ALPK1: variants seen among roughly 807,000 people sequenced by gnomAD.
The protein encoded by ALPK1 is alpha kinase 1.
In ALPK1, 110 loss-of-function variants were observed where a neutral mutation model predicts 120.6. The observed-to-expected ratio is 0.91, with a 90% confidence interval of 0.78 to 1.07. The LOEUF (loss-of-function observed/expected upper bound fraction) is 1.07. ALPK1 is among the 50% of genes least tolerant of loss of function. ALPK1 has a pLI of 0.00. For missense variants in ALPK1, 1,498 were observed against 1,483.9 expected (o/e 1.01, Z -0.16); for synonymous variants, 582 against 560.3 (o/e 1.04, Z -0.55).
intron 2 of ALPK1, among the ~76,000 whole-genome samples, chr4:112,365,352 T>G (rs570263564): frequency 6.6e-6 from 1 of 152,196 alleles, no homozygotes; most frequent in South Asian, 2.1e-4. Context: ...GGTAAATAAA[T>G]TCAGCAGTTT....
chr4:112,429,794 T>C (rs560043726), intron 10 of ALPK1, among the ~76,000 whole-genome samples: 19 of 137,554 alleles, frequency 1.4e-4, no homozygotes, highest in Admixed American at 4.9e-4. Context: ...GAGCTGAGAT[T>C]GCACCACTGC....
chr4:112,377,988 T>A, intron 3 of ALPK1, 90 bp downstream of exon 3: 2 of 1,334,482 alleles, frequency 1.5e-6, no homozygotes, highest in Non-Finnish European at 2.0e-6. Context: ...CTCTGCCCTA[T>A]TTTTCTTCTC....
chr4:112,306,008 A>G (rs1728035159), intron 1 of ALPK1, among the ~76,000 whole-genome samples: 1 of 152,158 alleles, frequency 6.6e-6, no homozygotes, highest in Non-Finnish European at 1.5e-5. Flanking sequence ...TGAGATAATC[A>G]TGTGGTTTTT....
chr4:112,369,466 G>A (rs1731299650), intron 2 of ALPK1, among the ~76,000 whole-genome samples: 2 of 152,194 alleles, frequency 1.3e-5, no homozygotes, highest in Admixed American at 6.5e-5. Flanking sequence ...TTGTACATTA[G>A]AGACCAGAAT....
chr4:112,302,084 C>A (rs1727813751), intron 1 of ALPK1, among the ~76,000 whole-genome samples: 1 of 152,124 alleles, frequency 6.6e-6, no homozygotes, highest in Non-Finnish European at 1.5e-5. Flanking sequence ...ATCCAACTCC[C>A]TAAAAAACAG....
At chr4:112,350,655 C>T (rs114137159) in intron 2 of ALPK1, among the ~76,000 whole-genome samples, 3,086 of 152,256 alleles carry the variant, frequency 0.02, 43 homozygotes, top group Non-Finnish European at 0.031. Context: ...AGTGATCATG[C>T]GTTTTCAGGA....
intron 2 of ALPK1, among the ~76,000 whole-genome samples, chr4:112,320,033 A>T (rs1430671982): frequency 6.6e-6 from 1 of 152,124 alleles, no homozygotes; most frequent in Non-Finnish European, 1.5e-5. Flanking sequence ...GATGCCCTTT[A>T]TTTCTTTCTC....
intron 1 of ALPK1, among the ~76,000 whole-genome samples, chr4:112,306,679 G>A (rs1166788851): frequency 6.6e-6 from 1 of 151,192 alleles, no homozygotes; most frequent in Admixed American, 6.6e-5. Context: ...TATCAATTTT[G>A]TTGATCTTTT....
chr4:112,429,752 A>C (rs1425895387), intron 10 of ALPK1, among the ~76,000 whole-genome samples: 1 of 150,742 alleles, frequency 6.6e-6, no homozygotes, highest in African/African-American at 2.4e-5. Context: ...AGGTGGGAGG[A>C]TCACCTGAGC....
intron 2 of ALPK1, among the ~76,000 whole-genome samples, chr4:112,346,775 G>A (rs962255955): frequency 2.6e-5 from 4 of 152,132 alleles, no homozygotes; most frequent in African/African-American, 4.8e-5. Context: ...AGCCAACATC[G>A]AAAAACAAAC....
chr4:112,368,240 TC>T (rs1457229419), intron 2 of ALPK1, among the ~76,000 whole-genome samples: 3 of 152,240 alleles, frequency 2.0e-5, no homozygotes, highest in African/African-American at 7.2e-5. Context: ...TTTTATCGAA[TC>T]TATGCATTCA....
At chr4:112,401,849 T>C (rs189680036) in intron 4 of ALPK1, among the ~76,000 whole-genome samples, 154 of 152,310 alleles carry the variant, frequency 1.0e-3, no homozygotes, top group Non-Finnish European at 1.6e-3. Context: ...TTACAACTAT[T>C]TTTCAGAAGG....
chr4:112,430,149 C>G (rs759361235), intron 10 of ALPK1, among the ~76,000 whole-genome samples: 13 of 152,204 alleles, frequency 8.5e-5, no homozygotes, highest in Admixed American at 2.6e-4. Flanking sequence ...GCAACAAACA[C>G]AAGCCTATCG....
intron 5 of ALPK1, among the ~76,000 whole-genome samples, chr4:112,416,274 A>G (rs1044790090): frequency 4.6e-5 from 7 of 152,172 alleles, no homozygotes; most frequent in Non-Finnish European, 1.0e-4. Flanking sequence ...TAACAACCTT[A>G]AAATCAAGGT....
At chr4:112,341,840 C>T (rs138263161) in intron 2 of ALPK1, among the ~76,000 whole-genome samples, 78 of 152,288 alleles carry the variant, frequency 5.1e-4, no homozygotes, top group African/African-American at 1.8e-3. Context: ...GACAAAATTA[C>T]GTTTGGTATT....
At chr4:112,406,601 C>T (rs1245602290) in intron 4 of ALPK1, among the ~76,000 whole-genome samples, 1 of 152,184 alleles carries the variant, frequency 6.6e-6, no homozygotes, top group African/African-American at 2.4e-5. Context: ...CACCACTAAA[C>T]CAAGTCATAG....
chr4:112,310,970 A>C lies in ALPK1; in HGVS notation c.-152-4831A>C, dbSNP rs181957995. On this transcript the variant is annotated intron_variant, in intron 1 of 15. Coordinates refer to ENST00000650871, the MANE Select transcript of ALPK1 (RefSeq NM_025144.4). ...AAGGGACTTTAAAGACTTTAGCAAA[A>C]ATCTCCAGCTTTAGAAAGGAGGAAA... 8.5e-4 allele frequency among the ~76,000 whole-genome samples: 129 copies of C among 152,256 alleles called. 1 individual carries two copies. Among genetic ancestry groups the C allele is most frequent in the Non-Finnish European group, 1.5e-3 (103 of 68,022 alleles).
At chr4:112,315,375 C>T (rs1728591055) in intron 1 of ALPK1, among the ~76,000 whole-genome samples, 1 of 152,152 alleles carries the variant, frequency 6.6e-6, no homozygotes, top group African/African-American at 2.4e-5. Flanking sequence ...GGTTTTTCAA[C>T]AAAGTCCTTT....
At position 112,357,471 on chromosome 4, in the gene ALPK1, G is replaced by A. The variant is rs529685871; in HGVS notation, c.-100-20207G>A. 1.5e-5 allele frequency: 11 copies of A among 718,420 alleles called. No homozygotes were observed. The African/African-American group carries it at 1.7e-4, about 11-fold the overall frequency. 44.5% of individuals were successfully genotyped at this position (718,420 alleles called of 1,614,324 possible). ...ACCACTGCAGCAGAAAGCGAGGGAA[G>A]GTGCTGAGCTACTGGTGCTTCAGTC... On this transcript the variant is annotated intron_variant, in intron 2 of 15. Transcript: ENST00000650871.
Sources: gnomAD v4.1 joint callset for allele counts (sites outside exome capture counted in the v4.1 genomes callset) on GRCh38, gnomAD v4.1.1 for gene constraint, MANE v1.5 for transcripts, NCBI Gene and HGNC (gene_info 2026-07-23, HGNC 2026-07-21) for gene names.